Variants in GPHN observed in about 807,000 individuals in gnomAD.
GPHN encodes the protein gephyrin.
In GPHN, 17 loss-of-function variants were observed where a neutral mutation model predicts 95.5. The observed-to-expected ratio is 0.18, with a 90% CI of 0.12 to 0.27. The LOEUF is 0.27. Among genes scored for constraint, GPHN ranks in the 10% least tolerant of loss-of-function variants. The pLI, the probability that GPHN is intolerant of heterozygous loss-of-function variation, is 1.00. For missense variants in GPHN, 660 were observed against 978.1 expected (o/e 0.67, Z 4.34); for synonymous variants, 320 against 322.5 (o/e 0.99, Z 0.08).
chr14:66,743,763 A>C (rs530199528), intron 2 of GPHN, among the ~76,000 whole-genome samples: 28 of 152,198 alleles, frequency 1.8e-4, no homozygotes, highest in South Asian at 8.3e-4. Flanking sequence ...ACAACAACAA[A>C]AAAACTCTTT....
At chr14:67,668,953 G>GA in the GPHN span, among the ~76,000 whole-genome samples, 12 of 149,890 alleles carry the variant, frequency 8.0e-5, no homozygotes, top group East Asian at 1.9e-4. Flanking sequence ...AAGTACTCTG[G>GA]AAAAAAAAAG....
At chr14:67,495,409 G>A in the GPHN span, among the ~76,000 whole-genome samples, 1 of 152,126 alleles carries the variant, frequency 6.6e-6, no homozygotes, top group Admixed American at 6.5e-5. Context: ...ATATTTCCTG[G>A]AGATATTTTG....
intron 7 of GPHN, among the ~76,000 whole-genome samples, chr14:66,923,270 A>G (rs756626949): frequency 5.3e-5 from 8 of 152,186 alleles, no homozygotes; most frequent in African/African-American, 1.7e-4. Context: ...TATATATTCA[A>G]AGTATCAAAA....
the GPHN span, among the ~76,000 whole-genome samples, chr14:67,532,543 C>T: frequency 6.6e-6 from 1 of 152,146 alleles, no homozygotes; most frequent in Non-Finnish European, 1.5e-5. Flanking sequence ...GATGACTGCC[C>T]TGCAAACTGC....
At position 66,801,525 on chromosome 14, in the gene GPHN, A is replaced by C. The variant is rs1408212099; in HGVS notation, c.202-22949A>C. Among the ~76,000 whole-genome samples, 3 of 151,222 alleles carry C rather than the reference A, an allele frequency of 2.0e-5. 1 individual carries two copies. Among genetic ancestry groups the C allele is most frequent in the Non-Finnish European group, 4.4e-5 (3 of 67,818 alleles). Reference sequence around the variant, plus strand: ...TTGTTGTCCTCCCTTCCTTTCTCCCAAAAAAAATGAGTCTTCTCTCATTCT... The same window carrying C: ...TTGTTGTCCTCCCTTCCTTTCTCCCCAAAAAAATGAGTCTTCTCTCATTCT... On this transcript the variant is annotated intron_variant, in intron 3 of 22. Transcript: ENST00000478722.
At chr14:67,734,999 G>C in the GPHN span, among the ~76,000 whole-genome samples, 1 of 152,280 alleles carries the variant, frequency 6.6e-6, no homozygotes, top group South Asian at 2.1e-4. Context: ...TCTGGCTAGA[G>C]AAAATATTTT....
the GPHN span, among the ~76,000 whole-genome samples, chr14:67,697,765 T>C: frequency 6.6e-6 from 1 of 152,114 alleles, no homozygotes; most frequent in Admixed American, 6.5e-5. Context: ...GGCAGACAAA[T>C]CCAGTTTCTT....
chr14:66,869,161 G>GA (rs2063337557), intron 4 of GPHN, among the ~76,000 whole-genome samples: 1 of 152,106 alleles, frequency 6.6e-6, no homozygotes, highest in East Asian at 1.9e-4. Context: ...GCTAGTTAAG[G>GA]AAAAAATGGT....
the GPHN span, among the ~76,000 whole-genome samples, chr14:67,206,767 G>A: frequency 6.6e-6 from 1 of 151,784 alleles, no homozygotes; most frequent in Non-Finnish European, 1.5e-5. Flanking sequence ...GTCTCACTCC[G>A]TTGCCCAGGC....
chr14:66,748,934 G>A (rs1481565665), intron 2 of GPHN, among the ~76,000 whole-genome samples: 2 of 151,854 alleles, frequency 1.3e-5, no homozygotes, highest in Admixed American at 1.3e-4. Flanking sequence ...CAGATTTTCA[G>A]CTTCAGAATA....
the GPHN span, among the ~76,000 whole-genome samples, chr14:67,720,610 C>G: frequency 1.3e-5 from 2 of 152,146 alleles, no homozygotes; most frequent in Admixed American, 6.5e-5. Flanking sequence ...GCATTTTCAT[C>G]ATATCTAAAT....
At chr14:67,359,905 C>G in the GPHN span, 1 of 589,326 alleles carries the variant, frequency 1.7e-6, no homozygotes, top group Non-Finnish European at 2.9e-6. Context: ...AGAACAGAGG[C>G]GTTGCCCGGA....
intron 3 of GPHN, among the ~76,000 whole-genome samples, chr14:66,821,972 G>A (rs942403740): frequency 2.6e-5 from 4 of 152,122 alleles, no homozygotes; most frequent in African/African-American, 9.7e-5. Flanking sequence ...GTTTGTTCGA[G>A]ACGGAGTCTT....
chr14:67,655,028 C>CAAAAAAA, the GPHN span, among the ~76,000 whole-genome samples: 1 of 43,468 alleles, frequency 2.3e-5, no homozygotes, highest in Non-Finnish European at 3.9e-5. Context: ...GACTCCATCT[C>CAAAAAAA]AAAAAAAAAA....
At chr14:67,328,751 T>C in the GPHN span, among the ~76,000 whole-genome samples, 1 of 152,214 alleles carries the variant, frequency 6.6e-6, no homozygotes, top group Non-Finnish European at 1.5e-5. Context: ...TCCCCATTTC[T>C]TCTTTTTGTC....
chr14:67,257,598 TA>T, the GPHN span, among the ~76,000 whole-genome samples: 33 of 145,602 alleles, frequency 2.3e-4, no homozygotes, highest in East Asian at 5.9e-4. Flanking sequence ...AACAGATAAC[TA>T]AAAAAAAAAG....
rs562537862 is a variant in GPHN, at chr14:67,160,181, T to C, written c.1910+693T>C. ...AGAACATTTTCTGCCCCCACCCTTT[T>C]TGTTGTTGTTGTGCCATTGACTTGC... On this transcript the variant is annotated intron_variant, in intron 19 of 22. Coordinates refer to ENST00000478722, the MANE Select transcript of GPHN (RefSeq NM_020806.5). Among the ~76,000 whole-genome samples, 39 of 152,276 alleles carry C rather than the reference T, an allele frequency of 2.6e-4. No individual in the cohort carries two copies. In the South Asian group the frequency reaches 8.1e-3, roughly 32 times the overall value.
At chr14:67,240,456 G>T in the GPHN span, among the ~76,000 whole-genome samples, 1 of 152,192 alleles carries the variant, frequency 6.6e-6, no homozygotes, top group African/African-American at 2.4e-5. Context: ...TGCCCCTGGG[G>T]GAAACTGTGC....
chr14:67,615,639 G>A, the GPHN span: 1 of 535,008 alleles, frequency 1.9e-6, no homozygotes. Context: ...GGAAGACCAT[G>A]TCTGCTAAAG....
Sources: gnomAD v4.1 joint callset for allele counts (sites outside exome capture counted in the v4.1 genomes callset) on GRCh38, gnomAD v4.1.1 for gene constraint, MANE v1.5 for transcripts, NCBI Gene and HGNC (gene_info 2026-07-23, HGNC 2026-07-21) for gene names.